SLAMF7: variants seen among roughly 807,000 people sequenced by gnomAD.
SLAMF7 encodes the protein SLAM family member 7, also known as 19A24 protein.
SLAMF7 carries 26 observed loss-of-function variants against 34.1 expected under a neutral mutation model. The ratio of observed to expected loss-of-function variants is 0.76; its 90% CI spans 0.56 to 1.06. The LOEUF is 1.06. Among genes scored for constraint, SLAMF7 ranks in the 50% least tolerant of loss-of-function variants. SLAMF7 has a pLI of 0.00. For synonymous variants in SLAMF7, 171 were observed against 156.4 expected, an observed-to-expected ratio of 1.09 and a Z score of -0.70; for missense variants, 399 against 402.5, an observed-to-expected ratio of 0.99 and a Z score of 0.07.
chr1:160,739,352 C>T lies in SLAMF7; in HGVS notation c.51C>T (p.Leu17=). 3 of 1,613,298 alleles carry T rather than the reference C, an allele frequency of 1.9e-6. No individual in the cohort carries two copies. The highest frequency in any genetic ancestry group is 2.5e-6 in the Non-Finnish European group (3 of 1,179,548). The change falls in exon 1 of 7, where the codon CTC becomes CTT. Residue 17 remains leucine, a synonymous_variant. Transcript: ENST00000368043. ...CLTLIYILWQ[L]TGSAASGPVK... ...CCCTCATCTATATCCTTTGGCAGCT[C>T]ACAGGTGAGTCCGGCCGGATTCTCT...
At chr1:160,746,327 A>G (rs1036300482) in intron 1 of SLAMF7, among the ~76,000 whole-genome samples, 6 of 152,222 alleles carry the variant, frequency 3.9e-5, no homozygotes, top group African/African-American at 1.4e-4. Context: ...TCAAAAGTAC[A>G]CAGGAACCAC....
chr1:160,747,616 T>C (rs1292470072), intron 1 of SLAMF7, among the ~76,000 whole-genome samples: 1 of 152,172 alleles, frequency 6.6e-6, no homozygotes. Flanking sequence ...AGACAATCAC[T>C]TGAACCCAGG....
intron 1 of SLAMF7, among the ~76,000 whole-genome samples, chr1:160,744,580 C>T (rs144587825): frequency 1.3e-5 from 2 of 152,316 alleles, no homozygotes; most frequent in Non-Finnish European, 2.9e-5. Flanking sequence ...TACAGCACTA[C>T]GTGTGTGGAA....
At chr1:160,750,493 T>C (rs1408797817) in intron 4 of SLAMF7, 70 bp downstream of exon 4, 9 of 1,551,838 alleles carry the variant, frequency 5.8e-6, no homozygotes, top group East Asian at 2.3e-5. Flanking sequence ...AACAAGCACA[T>C]ATAGAGCTGT....
At chr1:160,740,863 G>A (rs560800788) in intron 1 of SLAMF7, among the ~76,000 whole-genome samples, 118 of 152,282 alleles carry the variant, frequency 7.7e-4, no homozygotes, top group Non-Finnish European at 1.4e-3. Flanking sequence ...GAGAGATCAC[G>A]CTTCTTGGGC....
chr1:160,748,553 G>T, intron 2 of SLAMF7, 39 bp downstream of exon 2: 1 of 1,556,338 alleles, frequency 6.4e-7, no homozygotes, highest in Non-Finnish European at 8.8e-7. Context: ...GGCTGCCTTG[G>T]TGAGGTGGTG....
rs997943644 is a variant in SLAMF7 at position 160,750,876 on chromosome 1, C to T, written c.769+453C>T. 2.2e-5 allele frequency: 5 copies of T among 224,206 alleles called. No homozygotes were observed. The East Asian group carries it at 5.6e-4, about 25-fold the overall frequency. 13.9% of individuals were successfully genotyped at this position (224,206 alleles called of 1,614,324 possible). On this transcript the variant is annotated intron_variant, in intron 4 of 6. Transcript: ENST00000368043. ...TCCACAGGATCAACCCAAGACCTCGCTTTACTGCCCACTAGACACATGGCT... is the reference window on the plus strand; with the variant it reads ...TCCACAGGATCAACCCAAGACCTCGTTTTACTGCCCACTAGACACATGGCT...
At position 160,753,118 on chromosome 1, in the gene SLAMF7, C is replaced by A. The variant is rs781039766; in HGVS notation, c.949C>A (p.His317Asn). 13 of 1,613,724 alleles carry A rather than the reference C, an allele frequency of 8.1e-6. No homozygotes were observed. The East Asian group carries it at 2.7e-4, about 33-fold the overall frequency. ...TGTCTGTCTTCAGATGGAAAATCCC[C>A]ACTCACTGCTCACGATGCCAGACAC... ...VEIPKKMENP[H>N]SLLTMPDTPR... is the part of the protein sequence containing the mutation. Residue 317 changes from histidine to asparagine, a missense_variant, in exon 7 of 7, where the codon CAC (histidine) becomes AAC (asparagine). Coordinates refer to ENST00000368043, the MANE Select transcript of SLAMF7 (RefSeq NM_021181.5).
upstream of SLAMF7, chr1:160,739,238 G>A: frequency 7.1e-7 from 1 of 1,400,440 alleles, no homozygotes; most frequent in Non-Finnish European, 1.0e-6. Context: ...AGCTGGGGAA[G>A]AGGTCTGAGT....
chr1:160,754,473 G>C lies in SLAMF7; in HGVS notation c.*1296G>C, dbSNP rs1664868495. The C allele has an allele frequency of 6.6e-6, 1 of 152,266 alleles. No individual in the cohort carries two copies. The allele number at this position is 152,266 out of a possible 1,614,324, so 9.4% of individuals were successfully genotyped here. A position where few individuals can be genotyped will look rare whatever the true frequency, so the allele number is the denominator to read the frequency against. On this transcript the variant is annotated 3_prime_UTR_variant, in exon 7 of 7. Transcript: ENST00000368043. ...AATACAAACAAACAAACAAACACCT[G>C]TGCTAGGTCAGTCTGGCACGTAAGA...
intron 6 of SLAMF7, 32 bp from the exon 7 acceptor site, chr1:160,753,074 C>G (rs376335959): frequency 3.8e-5 from 61 of 1,604,768 alleles, no homozygotes; most frequent in Non-Finnish European, 4.9e-5. Flanking sequence ...TGCTCACCTC[C>G]CTCACTCTAC....
Position 160,748,289 on chromosome 1 carries a change from A to C in SLAMF7, c.151A>C (p.Ile51Leu). Residue 51 changes from isoleucine (I) to leucine (L), a missense_variant, in exon 2 of 7, where the codon ATT becomes CTT. Transcript: ENST00000368043. ...LKSKVKQVDS[I>L]VWTFNTTPLV... ...GTCCAAAGTAAAGCAAGTTGACTCTATTGTCTGGACCTTCAACACAACCCC... is the reference window on the plus strand; with the variant it reads ...GTCCAAAGTAAAGCAAGTTGACTCTCTTGTCTGGACCTTCAACACAACCCC... The C allele has an allele frequency of 6.2e-7, 1 of 1,614,026 alleles. No homozygotes were observed. Among genetic ancestry groups the C allele is most frequent in the African/African-American group, 1.3e-5 (1 of 74,988 alleles).
intron 1 of SLAMF7, among the ~76,000 whole-genome samples, chr1:160,745,940 GAAAT>G (rs1238162290): frequency 1.3e-5 from 2 of 152,176 alleles, no homozygotes; most frequent in Non-Finnish European, 2.9e-5. Flanking sequence ...AGGGACCAAA[GAAAT>G]AAATCTCTAA....
intron 1 of SLAMF7, chr1:160,739,810 A>C (rs1176046656): frequency 6.4e-6 from 1 of 155,498 alleles, no homozygotes; most frequent in Non-Finnish European, 1.4e-5. Flanking sequence ...ACAGTAATAT[A>C]AATGGAAAGA....
rs375930573 is a variant in SLAMF7 at position 160,749,975 on chromosome 1, G to T, written c.531G>T (p.Gly177=). ...LGQAANESHN[G]SILPISWRWG... is the part of the protein sequence containing the mutation. ...AAGCAGCCAATGAGTCCCATAATGGGTCCATCCTCCCCATCTCCTGGAGAT... is the reference window on the plus strand; with the variant it reads ...AAGCAGCCAATGAGTCCCATAATGGTTCCATCCTCCCCATCTCCTGGAGAT... The change falls in exon 3 of 7, where the codon GGG becomes GGT. Residue 177 remains glycine (G), a synonymous_variant. Coordinates refer to ENST00000368043, the MANE Select transcript of SLAMF7 (RefSeq NM_021181.5). The T allele has an allele frequency of 2.5e-6, 4 of 1,614,008 alleles. No individual in the cohort carries two copies. In the African/African-American group the frequency reaches 4.0e-5, roughly 16 times the overall value.
chr1:160,744,981 G>GT (rs1415024495), intron 1 of SLAMF7, among the ~76,000 whole-genome samples: 5 of 152,030 alleles, frequency 3.3e-5, no homozygotes, highest in South Asian at 2.1e-4. Flanking sequence ...ATAGAGAACA[G>GT]TTTTTTTAAA....
At chr1:160,749,156 C>T (rs1664358064) in intron 2 of SLAMF7, among the ~76,000 whole-genome samples, 1 of 152,276 alleles carries the variant, frequency 6.6e-6, no homozygotes, top group South Asian at 2.1e-4. Context: ...AGGCACTGCA[C>T]CTGATCCAGG....
chr1:160,748,128 A>G, intron 1 of SLAMF7, 66 bp from the exon 2 acceptor site: 1 of 1,528,812 alleles, frequency 6.5e-7, no homozygotes, highest in Non-Finnish European at 8.9e-7. Flanking sequence ...CAGGACCCAA[A>G]GGGGGTGAGT....
chr1:160,744,044 G>A (rs998419181), intron 1 of SLAMF7, among the ~76,000 whole-genome samples: 5 of 152,050 alleles, frequency 3.3e-5, no homozygotes, highest in East Asian at 1.9e-4. Flanking sequence ...TACCAACTCC[G>A]TAAGTGCCAG....
Sources: gnomAD v4.1 joint callset for allele counts (sites outside exome capture counted in the v4.1 genomes callset) on GRCh38, gnomAD v4.1.1 for gene constraint, MANE v1.5 for transcripts, NCBI Gene and HGNC (gene_info 2026-07-23, HGNC 2026-07-21) for gene names.